ATRNL1: variants seen among roughly 807,000 people sequenced by gnomAD.
ATRNL1 encodes the protein attractin-like protein 1.
Under a neutral mutation model 182.7 loss-of-function variants are expected in ATRNL1, and 95 were observed. That is an observed-to-expected ratio of 0.52 (90% CI 0.44 to 0.62). The LOEUF (loss-of-function observed/expected upper bound fraction) is 0.62, where lower values mean the gene tolerates loss of function less well. Among genes scored for constraint, ATRNL1 ranks in the 20% least tolerant of loss-of-function variants. The pLI is 0.00. For synonymous variants in ATRNL1, 576 were observed against 568.3 expected (o/e 1.01, Z -0.19); for missense variants, 1,471 against 1,679.5 (o/e 0.88, Z 2.17).
chr10:115,524,075 A>G (rs1247977674), intron 25 of ATRNL1, among the ~76,000 whole-genome samples: 1 of 150,684 alleles, frequency 6.6e-6, no homozygotes, highest in Admixed American at 6.6e-5. Flanking sequence ...GATCGAGATC[A>G]CATGGTGAGA....
chr10:115,565,949 T>C (rs1360341993), intron 26 of ATRNL1, among the ~76,000 whole-genome samples: 4 of 152,154 alleles, frequency 2.6e-5, no homozygotes, highest in Admixed American at 2.6e-4. Flanking sequence ...GTAAAAGTGT[T>C]AGCTTCTTAT....
intron 28 of ATRNL1, among the ~76,000 whole-genome samples, chr10:115,925,941 C>T (rs1455388032): frequency 2.0e-5 from 3 of 152,152 alleles, no homozygotes; most frequent in Admixed American, 6.5e-5. Context: ...CTCTCCACCC[C>T]AAATCAACAG....
chr10:115,914,748 A>G (rs1952792728), intron 28 of ATRNL1, among the ~76,000 whole-genome samples: 1 of 152,184 alleles, frequency 6.6e-6, no homozygotes, highest in Non-Finnish European at 1.5e-5. Flanking sequence ...TTCAACTGTT[A>G]GGAAGTGAGA....
intron 25 of ATRNL1, among the ~76,000 whole-genome samples, chr10:115,543,238 A>G (rs1391454033): frequency 6.6e-6 from 1 of 152,132 alleles, no homozygotes; most frequent in Non-Finnish European, 1.5e-5. Flanking sequence ...TGCGTGTATT[A>G]TTTACCACAT....
intron 14 of ATRNL1, among the ~76,000 whole-genome samples, chr10:115,283,132 G>A (rs1042008681): frequency 2.4e-4 from 37 of 152,048 alleles, no homozygotes; most frequent in Non-Finnish European, 3.2e-4. Flanking sequence ...ATGCCATTGC[G>A]GTCAGGTACG....
chr10:115,419,375 A>C (rs189295510), intron 20 of ATRNL1, among the ~76,000 whole-genome samples: 149 of 152,302 alleles, frequency 9.8e-4, no homozygotes, highest in African/African-American at 3.3e-3. Flanking sequence ...AAAGGAAAAA[A>C]TATCTAGACA....
intron 26 of ATRNL1, among the ~76,000 whole-genome samples, chr10:115,620,022 G>C (rs1053736719): frequency 6.6e-6 from 1 of 152,130 alleles, no homozygotes; most frequent in Non-Finnish European, 1.5e-5. Flanking sequence ...TCCATTTCAC[G>C]TTATAAAGGA....
chr10:115,401,794 C>T (rs1450691430), intron 20 of ATRNL1, among the ~76,000 whole-genome samples: 2 of 151,964 alleles, frequency 1.3e-5, no homozygotes, highest in African/African-American at 2.4e-5. Context: ...ATCAGAGTCC[C>T]CTGTTTAAAA....
chr10:115,942,496 A>G lies in ATRNL1; in HGVS notation c.4019-2162A>G, dbSNP rs546607147. Among the ~76,000 whole-genome samples, 13 of 152,346 alleles carry G rather than the reference A, an allele frequency of 8.5e-5. No individual in the cohort carries two copies. The East Asian group carries it at 2.5e-3, about 29-fold the overall frequency. On this transcript the variant is annotated intron_variant, in intron 28 of 28. Transcript: ENST00000355044. Reference sequence around the variant, plus strand: ...CCTCCCTTGACTCCCGCAACACTGCACTAGGCTAGTTTGCTTTCCTCTTAC... The same window carrying G: ...CCTCCCTTGACTCCCGCAACACTGCGCTAGGCTAGTTTGCTTTCCTCTTAC...
At chr10:115,461,821 C>T in intron 21 of ATRNL1, 120 bp from the exon 22 acceptor site, 4 of 464,332 alleles carry the variant, frequency 8.6e-6, no homozygotes, top group South Asian at 5.5e-5. Flanking sequence ...TTAAATATAC[C>T]ACTAGTATTT....
At chr10:115,446,247 A>G (rs906893805) in intron 21 of ATRNL1, among the ~76,000 whole-genome samples, 2 of 151,562 alleles carry the variant, frequency 1.3e-5, no homozygotes, top group Non-Finnish European at 3.0e-5. Context: ...CTCTATTTCT[A>G]TTTTGGGAGG....
intron 22 of ATRNL1, among the ~76,000 whole-genome samples, chr10:115,466,229 C>A (rs181588283): frequency 5.0e-4 from 75 of 151,508 alleles, no homozygotes; most frequent in African/African-American, 1.8e-3. Context: ...TTTCTATTGG[C>A]TTACCTGCTT....
At chr10:115,793,357 G>A (rs1259457140) in intron 27 of ATRNL1, among the ~76,000 whole-genome samples, 1 of 152,016 alleles carries the variant, frequency 6.6e-6, no homozygotes, top group African/African-American at 2.4e-5. Flanking sequence ...AATGATGGTA[G>A]GTTGCCCATC....
chr10:115,411,863 A>T (rs1845157117), intron 20 of ATRNL1, among the ~76,000 whole-genome samples: 1 of 152,090 alleles, frequency 6.6e-6, no homozygotes, highest in African/African-American at 2.4e-5. Flanking sequence ...AAGTAAATAT[A>T]TTGAAATATT....
At chr10:115,203,852 C>A (rs1848697646) in intron 8 of ATRNL1, among the ~76,000 whole-genome samples, 1 of 150,572 alleles carries the variant, frequency 6.6e-6, no homozygotes, top group Non-Finnish European at 1.5e-5. Flanking sequence ...CTGTCTTGGC[C>A]TCCCAAAATG....
chr10:115,622,571 T>C (rs1378625869), intron 26 of ATRNL1, among the ~76,000 whole-genome samples: 3 of 152,188 alleles, frequency 2.0e-5, no homozygotes, highest in Admixed American at 6.5e-5. Context: ...TTGATAACTT[T>C]TACAATATCA....
At chr10:115,540,443 G>C (rs1333082818) in intron 25 of ATRNL1, among the ~76,000 whole-genome samples, 2 of 152,032 alleles carry the variant, frequency 1.3e-5, no homozygotes, top group African/African-American at 4.8e-5. Flanking sequence ...GTAAAGTCAA[G>C]GTAGCACAAG....
At chr10:115,333,778 C>T (rs189843059) in intron 18 of ATRNL1, among the ~76,000 whole-genome samples, 143 of 152,164 alleles carry the variant, frequency 9.4e-4, no homozygotes, top group East Asian at 1.9e-4. Flanking sequence ...TGAGCCACCA[C>T]GCCTGGCTCA....
intron 28 of ATRNL1, among the ~76,000 whole-genome samples, chr10:115,895,109 T>C (rs1952174195): frequency 1.3e-5 from 2 of 152,224 alleles, no homozygotes; most frequent in Admixed American, 1.3e-4. Context: ...TAAGTTGCCA[T>C]TATATTGGTA....
Sources: gnomAD v4.1 joint callset for allele counts (sites outside exome capture counted in the v4.1 genomes callset) on GRCh38, gnomAD v4.1.1 for gene constraint, MANE v1.5 for transcripts, NCBI Gene and HGNC (gene_info 2026-07-23, HGNC 2026-07-21) for gene names.